KCTD16: variants seen among roughly 807,000 people sequenced by gnomAD.
The protein encoded by KCTD16 is potassium channel tetramerization domain containing 16, also known as BTB/POZ domain-containing protein KCTD16.
A neutral mutation model predicts 33.2 loss-of-function variants in KCTD16; 13 were observed. The observed-to-expected ratio is 0.39, with a 90% CI of 0.25 to 0.62. KCTD16 has a LOEUF of 0.62. Ranked by LOEUF, KCTD16 falls within the 20% of genes least tolerant of loss-of-function variation. The probability of loss-of-function intolerance (pLI) is 0.50; values close to 1 mark genes in which losing one functional copy is unlikely to be tolerated. For missense variants in KCTD16, 441 were observed against 525.1 expected (o/e 0.84, Z 1.57); for synonymous variants, 197 against 195.3 (o/e 1.01, Z -0.07).
intron 3 of KCTD16, among the ~76,000 whole-genome samples, chr5:144,395,002 G>C (rs528277152): frequency 1.3e-5 from 2 of 152,318 alleles, no homozygotes; most frequent in South Asian, 2.1e-4. Flanking sequence ...CTCAAAGCCT[G>C]GTCCTGGATC....
chr5:144,290,051 C>T (rs751442327), intron 3 of KCTD16, among the ~76,000 whole-genome samples: 3 of 152,062 alleles, frequency 2.0e-5, no homozygotes, highest in Non-Finnish European at 2.9e-5. Context: ...GAGGCCAAGG[C>T]GAGTGAATCA....
intron 3 of KCTD16, among the ~76,000 whole-genome samples, chr5:144,234,105 C>T (rs915727043): frequency 2.0e-5 from 3 of 152,064 alleles, no homozygotes; most frequent in African/African-American, 7.2e-5. Context: ...GTTTGCATTC[C>T]TAATCATCTG....
intron 2 of KCTD16, among the ~76,000 whole-genome samples, chr5:144,182,778 G>A (rs1752652329): frequency 6.6e-6 from 1 of 151,300 alleles, no homozygotes; most frequent in African/African-American, 2.4e-5. Flanking sequence ...GAGAGAGAGA[G>A]AAAGACAGAC....
intron 3 of KCTD16, among the ~76,000 whole-genome samples, chr5:144,426,386 G>C (rs1287904538): frequency 6.6e-6 from 1 of 152,072 alleles, no homozygotes; most frequent in Non-Finnish European, 1.5e-5. Context: ...CCTACAGCTT[G>C]TCTCTTCTAT....
At position 144,480,174 on chromosome 5, in the gene KCTD16, C is replaced by T. The variant is rs1337545257; in HGVS notation, c.*6060C>T. 6.6e-6 allele frequency: 1 copy of T among 151,846 alleles called. No individual in the cohort carries two copies. Among genetic ancestry groups the T allele is most frequent in the Non-Finnish European group, 1.5e-5 (1 of 67,910 alleles). The allele number at this position is 151,846 out of a possible 1,614,324, so 9.4% of individuals were successfully genotyped here. On this transcript the variant is annotated 3_prime_UTR_variant, in exon 4 of 4. Coordinates refer to ENST00000512467, the MANE Select transcript of KCTD16 (RefSeq NM_020768.4). ...GTGCATGTGTGTGTGTGCACATGGC[C>T]ATGTGCAATTTTTAGGTTTATGTCA...
chr5:144,215,924 A>G (rs1276071608), intron 3 of KCTD16, among the ~76,000 whole-genome samples: 1 of 152,246 alleles, frequency 6.6e-6, no homozygotes, highest in Admixed American at 6.5e-5. Flanking sequence ...TTATAACTGA[A>G]TCTGAGATAA....
chr5:144,245,479 G>A (rs1250828248), intron 3 of KCTD16, among the ~76,000 whole-genome samples: 1 of 152,128 alleles, frequency 6.6e-6, no homozygotes, highest in Non-Finnish European at 1.5e-5. Flanking sequence ...TCTTGAGGGA[G>A]GAAGAAGAAT....
chr5:144,383,189 C>T (rs1194923077), intron 3 of KCTD16: 1 of 152,150 alleles, frequency 6.6e-6, no homozygotes, highest in Non-Finnish European at 1.5e-5. Context: ...CCTAGGGACT[C>T]TCTTAAATGA....
intron 3 of KCTD16, among the ~76,000 whole-genome samples, chr5:144,330,936 T>A (rs1194138569): frequency 1.3e-5 from 2 of 152,206 alleles, no homozygotes; most frequent in Non-Finnish European, 2.9e-5. Context: ...GGAGGGACTT[T>A]AATAACAACG....
At chr5:144,348,771 T>A (rs915195103) in intron 3 of KCTD16, among the ~76,000 whole-genome samples, 3 of 152,236 alleles carry the variant, frequency 2.0e-5, no homozygotes, top group Non-Finnish European at 2.9e-5. Flanking sequence ...TATTTTTTAA[T>A]AGACTCCTTG....
intron 3 of KCTD16, among the ~76,000 whole-genome samples, chr5:144,297,304 A>G (rs951544761): frequency 6.6e-6 from 1 of 152,230 alleles, no homozygotes; most frequent in Non-Finnish European, 1.5e-5. Context: ...GTTTGGCTGC[A>G]AGTAAGAAAA....
At chr5:144,456,832 A>G (rs1754076553) in intron 3 of KCTD16, among the ~76,000 whole-genome samples, 1 of 151,872 alleles carries the variant, frequency 6.6e-6, no homozygotes, top group African/African-American at 2.4e-5. Context: ...GACTATAAAG[A>G]TGAGTATTTG....
intron 3 of KCTD16, among the ~76,000 whole-genome samples, chr5:144,210,149 A>G (rs191108778): frequency 6.6e-6 from 1 of 152,010 alleles, no homozygotes; most frequent in Admixed American, 6.6e-5. Flanking sequence ...GGAGACCGAA[A>G]TCTACCTATC....
chr5:144,232,354 A>T (rs968059103), intron 3 of KCTD16, among the ~76,000 whole-genome samples: 1 of 152,238 alleles, frequency 6.6e-6, no homozygotes, highest in Non-Finnish European at 1.5e-5. Flanking sequence ...AGTAATAGTT[A>T]ATATTTTTTG....
intron 3 of KCTD16, among the ~76,000 whole-genome samples, chr5:144,282,114 G>C (rs994277319): frequency 6.6e-6 from 1 of 152,184 alleles, no homozygotes; most frequent in African/African-American, 2.4e-5. Context: ...GAAAGACCAA[G>C]GCAAGATTAG....
rs2127008125 is a variant in KCTD16, at chr5:144,482,214, C to G, written c.*8100C>G. 6.6e-6 allele frequency: 1 copy of G among 151,976 alleles called. No homozygotes were observed. Among genetic ancestry groups the G allele is most frequent in the South Asian group, 2.1e-4 (1 of 4,822 alleles). The allele number at this position is 151,976 out of a possible 1,614,324, so 9.4% of individuals were successfully genotyped here. On this transcript the variant is annotated 3_prime_UTR_variant, in exon 4 of 4. Coordinates refer to ENST00000512467, the MANE Select transcript of KCTD16 (RefSeq NM_020768.4). ...GCCTGACATCCTTCCTAAAAGTCAT[C>G]AGTTTTTTTTGTTTGTTTGTGACTT...
intron 3 of KCTD16, chr5:144,384,370 A>G (rs988886992): frequency 3.3e-5 from 5 of 152,196 alleles, no homozygotes; most frequent in African/African-American, 9.6e-5. Flanking sequence ...TGTGTTTTAA[A>G]TCCTTTCTCT....
chr5:144,211,036 C>T (rs904564601), intron 3 of KCTD16, among the ~76,000 whole-genome samples: 2 of 152,128 alleles, frequency 1.3e-5, no homozygotes, highest in African/African-American at 4.8e-5. Context: ...TTTAACCTTT[C>T]TTCTCTTTAC....
chr5:144,402,544 AT>A (rs1277667553), intron 3 of KCTD16, among the ~76,000 whole-genome samples: 1 of 152,120 alleles, frequency 6.6e-6, no homozygotes, highest in Non-Finnish European at 1.5e-5. Context: ...GCTACAAGTT[AT>A]TGTTTCTTGA....
Sources: allele counts gnomAD v4.1 joint callset (sites outside exome capture counted in the v4.1 genomes callset), GRCh38; gene constraint gnomAD v4.1.1; transcripts MANE v1.5; gene names NCBI Gene and HGNC (gene_info 2026-07-23, HGNC 2026-07-21).